The following XPR1 variants were observed in gnomAD, a reference collection of about 807,000 sequenced individuals.
XPR1 encodes the protein solute carrier family 53 member 1.
XPR1 carries 28 observed loss-of-function variants against 87.5 expected under a neutral mutation model. The observed-to-expected ratio is 0.32, with a 90% CI of 0.24 to 0.44. The LOEUF is 0.44. Among genes scored for constraint, XPR1 ranks in the 20% least tolerant of loss-of-function variants. The pLI is 1.00. For synonymous variants in XPR1, 300 were observed against 306.1 expected (o/e 0.98, Z 0.21); for missense variants, 559 against 862.3 (o/e 0.65, Z 4.41).
intron 2 of XPR1, among the ~76,000 whole-genome samples, chr1:180,781,195 A>G (rs909605928): frequency 7.3e-5 from 11 of 151,598 alleles, no homozygotes; most frequent in African/African-American, 2.7e-4. Context: ...AAAGTATCAT[A>G]TTTTTCACAA....
chr1:180,646,879 A>G (rs563944783), intron 1 of XPR1, among the ~76,000 whole-genome samples: 15 of 152,308 alleles, frequency 9.8e-5, no homozygotes, highest in African/African-American at 3.1e-4. Flanking sequence ...ATGTACATCA[A>G]TCCTCTTTCT....
At chr1:180,695,003 A>C (rs1290737182) in intron 2 of XPR1, among the ~76,000 whole-genome samples, 1 of 152,092 alleles carries the variant, frequency 6.6e-6, no homozygotes, top group Non-Finnish European at 1.5e-5. Context: ...AGTAATTTAC[A>C]TTCCCACCAA....
At chr1:180,758,320 T>G (rs1293757982) in intron 2 of XPR1, among the ~76,000 whole-genome samples, 1 of 152,036 alleles carries the variant, frequency 6.6e-6, no homozygotes, top group Non-Finnish European at 1.5e-5. Flanking sequence ...AGGAATAGAT[T>G]TGTGGTTACC....
At chr1:180,787,272 A>G (rs1649182535) in intron 2 of XPR1, among the ~76,000 whole-genome samples, 1 of 149,642 alleles carries the variant, frequency 6.7e-6, no homozygotes, top group South Asian at 2.1e-4. Flanking sequence ...TGGTCTTACA[A>G]AGAGGTTTTT....
rs183442737 is a variant in XPR1, at chr1:180,888,491, T to C, written c.*4425T>C. 3 of 145,442 alleles carry C rather than the reference T, an allele frequency of 2.1e-5. No homozygotes were observed. The highest frequency in any genetic ancestry group is 2.0e-4 in the East Asian group (1 of 5,076). 9.0% of individuals were successfully genotyped at this position (145,442 alleles called of 1,614,324 possible). A position where few individuals can be genotyped will look rare whatever the true frequency, so the allele number is the denominator to read the frequency against. ...CTCAACTACAAAATCACCACACTTT[T>C]CTCAAATCTAATAGGAATTCAGTGT... On this transcript the variant is annotated 3_prime_UTR_variant, in exon 15 of 15. Transcript: ENST00000367590.
chr1:180,785,011 T>TTGTGTGTGTCTGTGTG (rs1553248231), intron 2 of XPR1, among the ~76,000 whole-genome samples: 1 of 136,280 alleles, frequency 7.3e-6, no homozygotes, highest in Non-Finnish European at 1.6e-5. Context: ...GTGTGTGTGT[T>TTGTGTGTGTCTGTGTG]TGTGTGTGTG....
At chr1:180,806,611 C>T (rs1650001851) in intron 6 of XPR1, 54 bp downstream of exon 6, 1 of 1,495,898 alleles carries the variant, frequency 6.7e-7, no homozygotes, top group South Asian at 1.2e-5. Context: ...ATAATCAACA[C>T]AGTATTTAGC....
chr1:180,830,650 A>G (rs10914113), intron 9 of XPR1, among the ~76,000 whole-genome samples: 51,779 of 152,062 alleles, frequency 0.34, 9,189 homozygotes, highest in Non-Finnish European at 0.38. Flanking sequence ...CTACTTACTC[A>G]GAATTTCTTC....
At chr1:180,664,966 A>G (rs530005916) in intron 1 of XPR1, among the ~76,000 whole-genome samples, 5 of 152,298 alleles carry the variant, frequency 3.3e-5, no homozygotes, top group African/African-American at 1.2e-4. Flanking sequence ...ATCTGATAGG[A>G]GGTGGAGCTC....
chr1:180,694,809 TTTTC>T (rs967256726), intron 2 of XPR1, among the ~76,000 whole-genome samples: 2 of 148,958 alleles, frequency 1.3e-5, no homozygotes, highest in Admixed American at 6.7e-5. Context: ...ACACACCATG[TTTTC>T]TTTATCTGTT....
At chr1:180,858,611 T>A (rs554291942) in intron 11 of XPR1, among the ~76,000 whole-genome samples, 2 of 152,334 alleles carry the variant, frequency 1.3e-5, no homozygotes, top group East Asian at 3.9e-4. Context: ...TCCTTTTTTG[T>A]CTCAATCATT....
chr1:180,829,105 A>C (rs1650964508), intron 9 of XPR1, among the ~76,000 whole-genome samples: 1 of 152,150 alleles, frequency 6.6e-6, no homozygotes, highest in South Asian at 2.1e-4. Context: ...CTGAGGGAGG[A>C]GGATCGCTTG....
At chr1:180,852,222 CATTTT>C (rs1651887347) in intron 11 of XPR1, among the ~76,000 whole-genome samples, 1 of 151,904 alleles carries the variant, frequency 6.6e-6, no homozygotes, top group African/African-American at 2.4e-5. Flanking sequence ...TTTAATTAAA[CATTTT>C]GTTTTGAGAT....
chr1:180,741,386 G>C (rs533422961), intron 2 of XPR1, among the ~76,000 whole-genome samples: 1 of 151,296 alleles, frequency 6.6e-6, no homozygotes, highest in Admixed American at 6.6e-5. Context: ...GGCTGGTCTC[G>C]AACTCCTGAT....
At chr1:180,874,211 C>T (rs1652590508) in intron 13 of XPR1, among the ~76,000 whole-genome samples, 1 of 151,846 alleles carries the variant, frequency 6.6e-6, no homozygotes, top group South Asian at 2.1e-4. Flanking sequence ...TTAATTCTTA[C>T]AAAGTTAAAA....
intron 11 of XPR1, among the ~76,000 whole-genome samples, chr1:180,838,385 G>A (rs1006405970): frequency 1.3e-5 from 2 of 151,950 alleles, no homozygotes; most frequent in Non-Finnish European, 2.9e-5. Context: ...TATGTTAAGC[G>A]GACCTATGAA....
chr1:180,830,340 G>A (rs1357562694), intron 9 of XPR1, among the ~76,000 whole-genome samples: 2 of 152,108 alleles, frequency 1.3e-5, no homozygotes, highest in Admixed American at 1.3e-4. Flanking sequence ...CTGAGCCATG[G>A]AATGAAAGTA....
intron 7 of XPR1, among the ~76,000 whole-genome samples, chr1:180,813,578 G>A (rs1461868950): frequency 2.6e-5 from 4 of 152,090 alleles, no homozygotes; most frequent in Non-Finnish European, 5.9e-5. Flanking sequence ...TTAGACCATA[G>A]TAGGGGCTTG....
Position 180,639,388 on chromosome 1 carries a change from A to C in XPR1, c.69+7118A>C, listed in dbSNP as rs540940753. Among the ~76,000 whole-genome samples the C allele has an allele frequency of 2.6e-5, 4 of 152,062 alleles. No individual in the cohort carries two copies. In the South Asian group the frequency reaches 8.3e-4, roughly 31 times the overall value. On this transcript the variant is annotated intron_variant, in intron 1 of 14. Transcript: ENST00000367590. ...ATAACTTAAAATTTTCATAATCTCT[A>C]TAACAAGAGGCTTAATATATTGATT... is the stretch of plus-strand genomic sequence containing the variant.
Sources: allele counts gnomAD v4.1 joint callset (sites outside exome capture counted in the v4.1 genomes callset), GRCh38; gene constraint gnomAD v4.1.1; transcripts MANE v1.5; gene names NCBI Gene and HGNC (gene_info 2026-07-23, HGNC 2026-07-21).